Variants in VPS13B observed in about 807,000 individuals in gnomAD.
VPS13B encodes the protein vacuolar protein sorting 13 homolog B, also known as intermembrane lipid transfer protein VPS13B.
VPS13B carries 285 observed loss-of-function variants against 426.4 expected under a neutral mutation model. The observed-to-expected ratio is 0.67, with a 90% CI of 0.61 to 0.74. VPS13B has a LOEUF of 0.74. Ranked by LOEUF, VPS13B falls within the 30% of genes least tolerant of loss-of-function variation. The pLI is 0.00. For missense variants in VPS13B, 4,537 were observed against 4,782.6 expected (o/e 0.95, Z 1.51); for synonymous variants, 1,676 against 1,676.4 (o/e 1.00, Z 0.01).
At chr8:99,659,160 T>G (rs994138275) in intron 34 of VPS13B, among the ~76,000 whole-genome samples, 2 of 152,198 alleles carry the variant, frequency 1.3e-5, no homozygotes, top group African/African-American at 4.8e-5. Flanking sequence ...AGGTGAAAAT[T>G]TCTATCTTAT....
At position 99,870,828 on chromosome 8, in the gene VPS13B, C is replaced by T. The variant is rs765514847; in HGVS notation, c.11436C>T (p.Arg3812=). 1 of 1,614,198 alleles carries T rather than the reference C, an allele frequency of 6.2e-7. No individual in the cohort carries two copies. The highest frequency in any genetic ancestry group is 8.5e-7 in the Non-Finnish European group (1 of 1,180,022). Residue 3812 remains arginine (R), a synonymous_variant, in exon 60 of 62, where the codon CGC becomes CGT. Transcript: ENST00000357162. The part of the protein sequence containing the change: ...GAGLSQLPKQ[R]HQPSDLHADQ... Reference sequence around the variant, plus strand: ...GACTTTCTCAGCTTCCCAAACAGCGCCATCAGCCAAGTGATCTACATGCTG... The same window carrying T: ...GACTTTCTCAGCTTCCCAAACAGCGTCATCAGCCAAGTGATCTACATGCTG...
intron 19 of VPS13B, among the ~76,000 whole-genome samples, chr8:99,344,673 T>C (rs575701371): frequency 6.6e-6 from 1 of 152,300 alleles, no homozygotes; most frequent in African/African-American, 2.4e-5. Context: ...CCCTGGTTAT[T>C]AGTGAATTTG....
intron 17 of VPS13B, among the ~76,000 whole-genome samples, chr8:99,221,142 T>G (rs1391212269): frequency 1.5e-5 from 2 of 131,796 alleles, no homozygotes; most frequent in South Asian, 2.8e-4. Context: ...GGCTGCATAG[T>G]ATTCCATGGT....
chr8:99,817,385 G>A (rs1814103027), intron 44 of VPS13B, among the ~76,000 whole-genome samples, 155 bp from the exon 45 acceptor site: 1 of 151,810 alleles, frequency 6.6e-6, no homozygotes, highest in Non-Finnish European at 1.5e-5. Context: ...ATTTCTTCTT[G>A]ACTTCAAGTC....
intron 3 of VPS13B, among the ~76,000 whole-genome samples, chr8:99,077,733 G>A (rs1384195552): frequency 6.6e-6 from 1 of 151,962 alleles, no homozygotes; most frequent in African/African-American, 2.4e-5. Flanking sequence ...GAATCCGTTT[G>A]GGGTTCTTGA....
At chr8:99,312,655 G>T (rs1588238214) in intron 19 of VPS13B, among the ~76,000 whole-genome samples, 2 of 152,234 alleles carry the variant, frequency 1.3e-5, no homozygotes, top group East Asian at 1.9e-4. Context: ...TCTTGGAGTT[G>T]CTCCTCTTGA....
chr8:99,051,056 TG>T (rs1843521575), intron 3 of VPS13B, among the ~76,000 whole-genome samples: 1 of 152,224 alleles, frequency 6.6e-6, no homozygotes, highest in Admixed American at 6.5e-5. Flanking sequence ...TTGTCCATTT[TG>T]GCTTTTGTTG....
chr8:99,373,956 T>C (rs73287858), intron 19 of VPS13B, among the ~76,000 whole-genome samples: 2,580 of 152,294 alleles, frequency 0.017, 66 homozygotes, highest in African/African-American at 0.059. Context: ...ATCTAAAGCA[T>C]TTATCTTATA....
intron 34 of VPS13B, among the ~76,000 whole-genome samples, chr8:99,659,674 C>G (rs1830149571): frequency 1.3e-5 from 2 of 152,158 alleles, no homozygotes; most frequent in South Asian, 4.1e-4. Flanking sequence ...ACTTGTTTTA[C>G]TTATCCTAAG....
intron 21 of VPS13B, among the ~76,000 whole-genome samples, chr8:99,412,230 T>A (rs1815714504): frequency 6.6e-6 from 1 of 152,218 alleles, no homozygotes; most frequent in African/African-American, 2.4e-5. Flanking sequence ...TTTGTATGTG[T>A]CCTCTCTTAT....
At chr8:99,662,440 TTTTA>T (rs144832781) in intron 35 of VPS13B, among the ~76,000 whole-genome samples, 20,337 of 151,342 alleles carry the variant, frequency 0.13, 1,898 homozygotes, top group East Asian at 0.38. Flanking sequence ...TTTTATTTAA[TTTTA>T]TTTATTTATT....
At chr8:99,875,183 T>C in intron 61 of VPS13B, 1 of 590,050 alleles carries the variant, frequency 1.7e-6, no homozygotes, top group South Asian at 2.0e-5. Flanking sequence ...CAACACCAAA[T>C]GCTTATTCTA....
chr8:99,375,036 G>A (rs980748460), intron 19 of VPS13B, among the ~76,000 whole-genome samples: 1 of 152,170 alleles, frequency 6.6e-6, no homozygotes, highest in East Asian at 1.9e-4. Flanking sequence ...CTATGGGCCT[G>A]CACTTCACCG....
chr8:99,155,479 G>T (rs1811311460), intron 14 of VPS13B, among the ~76,000 whole-genome samples: 1 of 152,128 alleles, frequency 6.6e-6, no homozygotes, highest in African/African-American at 2.4e-5. Context: ...ATGGGTGGTG[G>T]TTACAGATGT....
At chr8:99,066,383 G>C (rs559875817) in intron 3 of VPS13B, among the ~76,000 whole-genome samples, 74 of 152,242 alleles carry the variant, frequency 4.9e-4, no homozygotes, top group Admixed American at 4.3e-3. Context: ...ACAAACCTGA[G>C]AAAAACAAGC....
chr8:99,572,091 A>G (rs1825504616), intron 31 of VPS13B, among the ~76,000 whole-genome samples: 1 of 152,198 alleles, frequency 6.6e-6, no homozygotes, highest in South Asian at 2.1e-4. Context: ...TTTATGATAT[A>G]AGGGAATAAT....
intron 17 of VPS13B, among the ~76,000 whole-genome samples, chr8:99,200,227 C>T (rs532418262): frequency 9.4e-4 from 143 of 152,246 alleles, no homozygotes; most frequent in Non-Finnish European, 1.5e-3. Flanking sequence ...TAGCATATGT[C>T]GGTGCTCATT....
At chr8:99,435,044 C>A (rs1270964704) in intron 22 of VPS13B, among the ~76,000 whole-genome samples, 3 of 152,068 alleles carry the variant, frequency 2.0e-5, no homozygotes, top group African/African-American at 7.2e-5. Context: ...CTGTAGGGAG[C>A]CCCTTAGAAA....
At position 99,875,684 on chromosome 8, in the gene VPS13B, T is replaced by C. The variant is rs973144149; in HGVS notation, c.*18T>C. Reference sequence around the variant, plus strand: ...TTCCTTGAGTCCCCTCTGAGGTGTTTATTCCTGCTTGTGTGATTTAGTTTT... The same window carrying C: ...TTCCTTGAGTCCCCTCTGAGGTGTTCATTCCTGCTTGTGTGATTTAGTTTT... On this transcript the variant is annotated 3_prime_UTR_variant, in exon 62 of 62. Transcript: ENST00000357162. 2 of 1,613,646 alleles carry C rather than the reference T, an allele frequency of 1.2e-6. No individual in the cohort carries two copies. Among genetic ancestry groups the C allele is most frequent in the African/African-American group, 2.7e-5 (2 of 74,584 alleles).
Sources: allele counts gnomAD v4.1 joint callset (sites outside exome capture counted in the v4.1 genomes callset), GRCh38; gene constraint gnomAD v4.1.1; transcripts MANE v1.5; gene names NCBI Gene and HGNC (gene_info 2026-07-23, HGNC 2026-07-21).